Variants in ZNF100 observed in about 807,000 individuals in gnomAD.
ZNF100 encodes the protein zinc finger protein 100.
ZNF100 carries 12 observed loss-of-function variants against 15.8 expected under a neutral mutation model. The observed-to-expected ratio is 0.76, with a 90% CI of 0.49 to 1.23. The LOEUF (loss-of-function observed/expected upper bound fraction) is 1.23, where lower values mean the gene tolerates loss of function less well. Ranked by LOEUF, ZNF100 falls within the 50% of genes most tolerant of loss-of-function variation. The probability of loss-of-function intolerance (pLI) is 0.00; values close to 1 mark genes in which losing one functional copy is unlikely to be tolerated. For missense variants in ZNF100, 670 were observed against 635.6 expected, an observed-to-expected ratio of 1.05 and a Z score of -0.58; for synonymous variants, 226 against 214.8, an observed-to-expected ratio of 1.05 and a Z score of -0.45.
chr19:21,727,662 A>T lies in ZNF100; in HGVS notation c.650T>A (p.Leu217His), dbSNP rs2035833292. The change falls in exon 5 of 5, where the codon CTT becomes CAT. Residue 217 changes from leucine to histidine, a missense_variant. Leu to His is a moderately conservative substitution (Grantham distance 99, BLOSUM62 -3). Transcript: ENST00000358296. ...CKKCEKSFCM[L>H]LHLTQHKRFH... ...TCTTTTATGTTGAGTTAGGTGTAAAAGCATGCAAAATGATTTTTCACATTT... is the reference window on the plus strand; with the variant it reads ...TCTTTTATGTTGAGTTAGGTGTAAATGCATGCAAAATGATTTTTCACATTT... The T allele has an allele frequency of 6.2e-7, 1 of 1,613,068 alleles. No individual in the cohort carries two copies. The highest frequency in any genetic ancestry group is 1.1e-5 in the South Asian group (1 of 90,882).
In ZNF100 at chr19:21,740,764, A is replaced by AT. The variant is rs59830666; in HGVS notation, c.322+3252_322+3253insA. On this transcript the variant is annotated intron_variant, in intron 4 of 4. Transcript: ENST00000358296. ...TTACAATGGCCACTATAAATTTTTT[A>AT]AAGACGCCAACTCTGTTGATGATGC... Among the ~76,000 whole-genome samples the AT allele has an allele frequency of 2.3e-3, 350 of 152,332 alleles. 10 individuals carry two copies. The East Asian group carries it at 0.061, about 26-fold the overall frequency.
At chr19:21,743,204 A>G (rs1048270793) in intron 4 of ZNF100, 1 of 152,224 alleles carries the variant, frequency 6.6e-6, no homozygotes, top group Non-Finnish European at 1.5e-5. Flanking sequence ...CTCCAACTTG[A>G]TGACAGAGCG....
chr19:21,762,691 TC>T (rs2036500405), intron 2 of ZNF100, among the ~76,000 whole-genome samples: 1 of 152,166 alleles, frequency 6.6e-6, no homozygotes. Context: ...ATTAAGGGTT[TC>T]CTTGTTTAAA....
At chr19:21,763,802 T>C (rs748745711) in intron 2 of ZNF100, among the ~76,000 whole-genome samples, 8 of 152,192 alleles carry the variant, frequency 5.3e-5, no homozygotes, top group Non-Finnish European at 1.0e-4. Flanking sequence ...TTCTCTCTAA[T>C]CTTTTTTGCT....
chr19:21,735,797 G>C (rs1036555275), intron 4 of ZNF100, among the ~76,000 whole-genome samples: 3 of 151,964 alleles, frequency 2.0e-5, no homozygotes, highest in Non-Finnish European at 2.9e-5. Flanking sequence ...TCGCTTGATT[G>C]ATTTTTTTTG....
At position 21,724,715 on chromosome 19, in the gene ZNF100, C is replaced by T. The variant is rs141907469; in HGVS notation, c.*1968G>A. The T allele has an allele frequency of 4.2e-3, 633 of 152,108 alleles. 4 individuals are homozygous for T. Among genetic ancestry groups the T allele is most frequent in the African/African-American group, 0.015 (604 of 41,498 alleles). The allele number at this position is 152,108 out of a possible 1,614,324, so 9.4% of individuals were successfully genotyped here. A position where few individuals can be genotyped will look rare whatever the true frequency, so the allele number is the denominator to read the frequency against. On this transcript the variant is annotated 3_prime_UTR_variant, in exon 5 of 5. Coordinates refer to ENST00000358296, the MANE Select transcript of ZNF100 (RefSeq NM_173531.4). ...GCCATATATTGCATGAATATATACT[C>T]ATATTATGTACCCCAAATAATTAAG...
intron 2 of ZNF100, among the ~76,000 whole-genome samples, chr19:21,754,122 C>T (rs2036354499): frequency 6.6e-6 from 1 of 152,038 alleles, no homozygotes; most frequent in Admixed American, 6.6e-5. Flanking sequence ...GCCAGGAATA[C>T]TTCCTCTACT....
chr19:21,736,583 AAC>A (rs1280501687), intron 4 of ZNF100, among the ~76,000 whole-genome samples: 2 of 152,216 alleles, frequency 1.3e-5, no homozygotes, highest in African/African-American at 4.8e-5. Context: ...ACCAGCCAAA[AAC>A]ACAATACACA....
intron 2 of ZNF100, among the ~76,000 whole-genome samples, chr19:21,755,441 C>T (rs1174274103): frequency 1.3e-5 from 2 of 151,820 alleles, no homozygotes; most frequent in African/African-American, 4.8e-5. Context: ...AAACAGATGC[C>T]GGTGAGGCTG....
At chr19:21,758,251 G>A (rs2036422764) in intron 2 of ZNF100, among the ~76,000 whole-genome samples, 1 of 152,082 alleles carries the variant, frequency 6.6e-6, no homozygotes, top group African/African-American at 2.4e-5. Context: ...ATGGACACGA[G>A]GAACAGTCAC....
chr19:21,767,377 C>T lies in ZNF100; in HGVS notation c.3+50G>A, dbSNP rs58560061. 6,981 of 1,609,918 alleles carry T rather than the reference C, an allele frequency of 4.3e-3. 280 individuals are homozygous for T. In the African/African-American group the frequency reaches 0.081, roughly 19 times the overall value. On this transcript the variant is annotated intron_variant, in intron 1 of 4. Coordinates refer to ENST00000358296, the MANE Select transcript of ZNF100 (RefSeq NM_173531.4). ...CCGCCACAGCTACTTCCCACCAGTT[C>T]CAACCAGCCCTTTCGCCGTCTCTCG...
At chr19:21,742,175 C>T (rs1244793487) in intron 4 of ZNF100, among the ~76,000 whole-genome samples, 2 of 151,712 alleles carry the variant, frequency 1.3e-5, no homozygotes, top group Non-Finnish European at 2.9e-5. Context: ...CGGGCACCTA[C>T]ATTCCCAGCT....
Position 21,727,389 on chromosome 19 carries a change from T to G in ZNF100, c.923A>C (p.Lys308Thr). 1.2e-6 allele frequency: 2 copies of G among 1,612,922 alleles called. No individual in the cohort carries two copies. Among genetic ancestry groups the G allele is most frequent in the African/African-American group, 2.7e-5 (2 of 74,990 alleles). Reference sequence around the variant, plus strand: ...GGGTTTCACTCCAGTATGAATTCTTTTATGTGTAGTAAGGTGTGAAGACCG... The same window carrying G: ...GGGTTTCACTCCAGTATGAATTCTTGTATGTGTAGTAAGGTGTGAAGACCG... ...FNRSSHLTTH[K>T]RIHTGVKPYK... is the part of the protein sequence containing the mutation. Residue 308 changes from lysine (K) to threonine (T), a missense_variant, in exon 5 of 5, where the codon AAA becomes ACA. Transcript: ENST00000358296.
At chr19:21,753,900 G>T (rs2036350685) in intron 2 of ZNF100, among the ~76,000 whole-genome samples, 1 of 152,148 alleles carries the variant, frequency 6.6e-6, no homozygotes, top group Non-Finnish European at 1.5e-5. Flanking sequence ...GTCCCATTAA[G>T]TCCTGCTATT....
At chr19:21,752,883 T>G (rs1043164447) in intron 2 of ZNF100, 1 of 152,188 alleles carries the variant, frequency 6.6e-6, no homozygotes, top group African/African-American at 2.4e-5. Context: ...GGCTGGAGTA[T>G]GGTGGCTGTT....
Position 21,765,778 on chromosome 19 carries a change from C to T in ZNF100, c.12G>A (p.Pro4=), listed in dbSNP as rs773715161. The change falls in exon 2 of 5, where the codon CCG becomes CCA. Residue 4 remains proline (P), a synonymous_variant. Transcript: ENST00000358296. MDD[P]RYGMCPLKGA... Reference sequence around the variant, plus strand: ...CCTTGAGAGGACACATTCCATACCTCGGGTCATCCTACGGGAGAAAATAAA... The same window carrying T: ...CCTTGAGAGGACACATTCCATACCTTGGGTCATCCTACGGGAGAAAATAAA... The T allele has an allele frequency of 2.5e-6, 4 of 1,614,072 alleles. No homozygotes were observed. The Admixed American group carries it at 5.0e-5, about 20-fold the overall frequency.
chr19:21,767,556 C>G lies in ZNF100; in HGVS notation c.-127G>C, dbSNP rs149140412. The G allele has an allele frequency of 6.6e-4, 934 of 1,415,568 alleles. 5 individuals carry two copies. The highest frequency in any genetic ancestry group is 3.1e-3 in the South Asian group (235 of 75,632). 87.7% of individuals were successfully genotyped at this position (1,415,568 alleles called of 1,614,324 possible). A position where few individuals can be genotyped will look rare whatever the true frequency, so the allele number is the denominator to read the frequency against. On this transcript the variant is annotated 5_prime_UTR_variant, in exon 1 of 5. Coordinates refer to ENST00000358296, the MANE Select transcript of ZNF100 (RefSeq NM_173531.4). ...AGAAGTGAGAGCAAAACCTGGAGCT[C>G]CGGCTACAGCGAGAGACAAAGACCC...
chr19:21,767,424 C>T lies in ZNF100; in HGVS notation c.3+3G>A, dbSNP rs757339033. 1 of 1,607,870 alleles carries T rather than the reference C, an allele frequency of 6.2e-7. No homozygotes were observed. Among genetic ancestry groups the T allele is most frequent in the Non-Finnish European group, 8.5e-7 (1 of 1,175,278 alleles). ...CTCGGGATGTCGGACCGGGCACTCTCACCATTTCTAGGCTTCTAGGGGGTC... is the reference window on the plus strand; with the variant it reads ...CTCGGGATGTCGGACCGGGCACTCTTACCATTTCTAGGCTTCTAGGGGGTC... On this transcript the variant is annotated splice_donor_region_variant and intron_variant, in intron 1 of 4. Coordinates refer to ENST00000358296, the MANE Select transcript of ZNF100 (RefSeq NM_173531.4).
chr19:21,738,422 G>C (rs536411872), intron 4 of ZNF100, among the ~76,000 whole-genome samples: 23 of 152,006 alleles, frequency 1.5e-4, no homozygotes, highest in East Asian at 5.8e-4. Context: ...TATACTACAA[G>C]GCTGTAGTAA....
Sources: gnomAD v4.1 joint callset for allele counts (sites outside exome capture counted in the v4.1 genomes callset) on GRCh38, gnomAD v4.1.1 for gene constraint, MANE v1.5 for transcripts, NCBI Gene and HGNC (gene_info 2026-07-23, HGNC 2026-07-21) for gene names.